The following CLUL1 variants were observed in gnomAD, a reference collection of about 807,000 sequenced individuals.
CLUL1 encodes clusterin like 1, also known as clusterin-like protein 1.
Under a neutral mutation model 49.4 loss-of-function variants are expected in CLUL1, and 43 were observed. The ratio of observed to expected loss-of-function variants is 0.87; its 90% CI spans 0.68 to 1.12. CLUL1 has a LOEUF of 1.12. Ranked by LOEUF, CLUL1 falls within the 50% of genes most tolerant of loss-of-function variation. The pLI is 0.00. For synonymous variants in CLUL1, 192 were observed against 184.9 expected, an observed-to-expected ratio of 1.04 and a Z score of -0.31; for missense variants, 486 against 544.4, an observed-to-expected ratio of 0.89 and a Z score of 1.07.
chr18:641,396 A>G lies in CLUL1; in HGVS notation c.1064A>G (p.Gln355Arg). ...EAIRLVNVSNQQYGQILQMTR... is the reference protein window; with the variant it reads ...EAIRLVNVSNRQYGQILQMTR... ...ATCAGGTTGGTCAATGTATCCAATC[A>G]GCAGTATGGCCAGATTCTCCAGATG... is the stretch of plus-strand genomic sequence containing the variant. Residue 355 changes from glutamine to arginine, a missense_variant, in exon 8 of 10, where the codon CAG becomes CGG. Physicochemically the swap from Gln to Arg is conservative, Grantham distance 43. Transcript: ENST00000692774. 6.2e-7 allele frequency: 1 copy of G among 1,614,242 alleles called. No individual in the cohort carries two copies. The highest frequency in any genetic ancestry group is 8.5e-7 in the Non-Finnish European group (1 of 1,180,044).
intron 7 of CLUL1, among the ~76,000 whole-genome samples, chr18:635,694 C>G (rs1450203768): frequency 6.6e-6 from 1 of 152,114 alleles, no homozygotes; most frequent in African/African-American, 2.4e-5. Context: ...GCTTTCTCTC[C>G]TCAATCTAAC....
chr18:628,325 C>CA (rs1408227074), intron 6 of CLUL1, among the ~76,000 whole-genome samples: 4 of 152,176 alleles, frequency 2.6e-5, no homozygotes, highest in East Asian at 1.9e-4. Flanking sequence ...CATAAAACCA[C>CA]AAAAAATGCT....
chr18:597,890 G>A (rs1217112242), intron 1 of CLUL1: 1 of 152,182 alleles, frequency 6.6e-6, no homozygotes, highest in Admixed American at 6.6e-5. Flanking sequence ...GGTTAACTGA[G>A]GTTAACGAAG....
chr18:628,290 C>T (rs937995668), intron 6 of CLUL1, among the ~76,000 whole-genome samples: 1 of 152,236 alleles, frequency 6.6e-6, no homozygotes, highest in Non-Finnish European at 1.5e-5. Context: ...TCACTACAAT[C>T]ATTCCTTAAA....
At chr18:634,287 G>A (rs550792278) in intron 7 of CLUL1, among the ~76,000 whole-genome samples, 3 of 152,104 alleles carry the variant, frequency 2.0e-5, no homozygotes, top group African/African-American at 7.2e-5. Flanking sequence ...GTGCCACCAC[G>A]CCCGGCTAAT....
At chr18:619,883 T>C (rs1019614080) in intron 4 of CLUL1, among the ~76,000 whole-genome samples, 1 of 152,070 alleles carries the variant, frequency 6.6e-6, no homozygotes, top group Non-Finnish European at 1.5e-5. Flanking sequence ...CTAATTTTTG[T>C]ATTTTTAGAA....
At chr18:612,811 A>G (rs2073176890) in intron 2 of CLUL1, 1 of 152,912 alleles carries the variant, frequency 6.5e-6, no homozygotes, top group Admixed American at 6.5e-5. Context: ...CGCAGAGACC[A>G]CTGTATCTCC....
chr18:597,392 A>C (rs1158218458), intron 1 of CLUL1, among the ~76,000 whole-genome samples: 1 of 152,206 alleles, frequency 6.6e-6, no homozygotes, highest in Non-Finnish European at 1.5e-5. Context: ...AGGAGGAGGT[A>C]GAGGCGGGGA....
intron 2 of CLUL1, among the ~76,000 whole-genome samples, chr18:613,432 C>T (rs1453705202): frequency 1.3e-5 from 2 of 149,898 alleles, no homozygotes; most frequent in African/African-American, 2.5e-5. Context: ...GCCACTGTGC[C>T]TGGCAATAAT....
chr18:629,817 A>G (rs557772690), intron 6 of CLUL1, among the ~76,000 whole-genome samples: 83 of 152,374 alleles, frequency 5.4e-4, no homozygotes, highest in African/African-American at 2.0e-3. Flanking sequence ...CTGTCTTCCC[A>G]GATGAGCAAA....
At chr18:624,327 C>T (rs892834642) in intron 4 of CLUL1, among the ~76,000 whole-genome samples, 5 of 151,950 alleles carry the variant, frequency 3.3e-5, no homozygotes, top group South Asian at 2.1e-4. Flanking sequence ...TGCCATCCTG[C>T]GTCTCGGCAA....
intron 7 of CLUL1, among the ~76,000 whole-genome samples, chr18:638,424 C>T (rs1252566042): frequency 3.9e-5 from 6 of 152,166 alleles, no homozygotes; most frequent in Non-Finnish European, 7.3e-5. Context: ...AGATAATGGA[C>T]ACAGTATACA....
chr18:616,729 T>A (rs2143989806), intron 2 of CLUL1: 1 of 983,644 alleles, frequency 1.0e-6, no homozygotes, highest in African/African-American at 1.7e-5. Context: ...CAGAAGCTGG[T>A]GGCAACTTCA....
At chr18:598,292 A>G in intron 1 of CLUL1, 1 of 359,288 alleles carries the variant, frequency 2.8e-6, no homozygotes, top group Non-Finnish European at 5.0e-6. Context: ...GACAGTAAAA[A>G]TCACTTAAAC....
intron 1 of CLUL1, among the ~76,000 whole-genome samples, chr18:605,928 GT>G (rs1390776310): frequency 1.3e-5 from 2 of 152,262 alleles, no homozygotes; most frequent in Non-Finnish European, 2.9e-5. Context: ...GCCTCCCAAA[GT>G]GCTGGGATTG....
intron 6 of CLUL1, among the ~76,000 whole-genome samples, chr18:630,724 G>A (rs2073972033): frequency 9.0e-6 from 1 of 111,528 alleles, no homozygotes; most frequent in Non-Finnish European, 1.7e-5. Flanking sequence ...GTCTCGCTCT[G>A]TCTTCAGGCT....
rs977772985 is a variant in CLUL1 at position 618,213 on chromosome 18, G to A, written c.106+107G>A. 14 of 814,922 alleles carry A rather than the reference G, an allele frequency of 1.7e-5. No homozygotes were observed. The highest frequency in any genetic ancestry group is 2.4e-5 in the Non-Finnish European group (12 of 498,086). The allele number at this position is 814,922 out of a possible 1,614,324, so 50.5% of individuals were successfully genotyped here. The stretch of plus-strand genomic sequence containing the variant: ...AGATAACCATATTCGCTGTTTTCAC[G>A]GTGAAACGTTCTCAAGGCGCTTAAA... On this transcript the variant is annotated intron_variant, in intron 3 of 9. Transcript: ENST00000692774. This position sits in a 1 kb window ranked among gnomAD's most constrained non-coding sequence, Gnocchi z 4.2.
chr18:638,665 C>T (rs1450683315), intron 7 of CLUL1, among the ~76,000 whole-genome samples: 1 of 152,008 alleles, frequency 6.6e-6, no homozygotes, highest in African/African-American at 2.4e-5. Flanking sequence ...TGAGACCAGC[C>T]TGGCCAACAT....
intron 7 of CLUL1, among the ~76,000 whole-genome samples, chr18:639,654 A>G (rs1033927997): frequency 5.3e-5 from 8 of 151,628 alleles, no homozygotes; most frequent in Non-Finnish European, 8.8e-5. Flanking sequence ...AGTCCCAGCT[A>G]CTCGGGAGGC....
Sources: allele counts gnomAD v4.1 joint callset (sites outside exome capture counted in the v4.1 genomes callset), GRCh38; gene constraint gnomAD v4.1.1; non-coding constraint Gnocchi (gnomAD v3.1); transcripts MANE v1.5; gene names NCBI Gene and HGNC (gene_info 2026-07-23, HGNC 2026-07-21).